ERC2: variants seen among roughly 807,000 people sequenced by gnomAD.
ERC2 encodes the protein ERC protein 2.
A neutral mutation model predicts 114.8 loss-of-function variants in ERC2; 42 were observed. That is an observed-to-expected ratio of 0.37 (90% CI 0.29 to 0.47). ERC2 has a LOEUF of 0.47. ERC2 is among the 20% of genes least tolerant of loss of function. The probability of loss-of-function intolerance (pLI) is 0.99; values close to 1 mark genes in which losing one functional copy is unlikely to be tolerated. For missense variants in ERC2, 939 were observed against 1,150.7 expected (o/e 0.82, Z 2.66); for synonymous variants, 454 against 425.5 (o/e 1.07, Z -0.82).
At chr3:55,852,971 C>T (rs1233028054) in intron 14 of ERC2, among the ~76,000 whole-genome samples, 5 of 152,190 alleles carry the variant, frequency 3.3e-5, no homozygotes, top group African/African-American at 1.2e-4. Context: ...GCATCGCTGG[C>T]CTCTGCCCTA....
intron 13 of ERC2, among the ~76,000 whole-genome samples, chr3:55,890,604 T>C (rs910940440): frequency 6.6e-6 from 1 of 152,160 alleles, no homozygotes; most frequent in Non-Finnish European, 1.5e-5. Context: ...AATGACACTT[T>C]AGAGTAATGA....
intron 3 of ERC2, among the ~76,000 whole-genome samples, chr3:56,196,051 A>G (rs2048081390): frequency 6.6e-6 from 1 of 152,124 alleles, no homozygotes; most frequent in African/African-American, 2.4e-5. Flanking sequence ...GAGTATATGC[A>G]TACTGATTTT....
chr3:55,990,046 G>A (rs1312832441), intron 11 of ERC2, among the ~76,000 whole-genome samples: 1 of 152,058 alleles, frequency 6.6e-6, no homozygotes, highest in African/African-American at 2.4e-5. Context: ...AAAGAGACAT[G>A]ATCATAACTT....
At chr3:55,781,722 AT>A (rs1285522477) in intron 14 of ERC2, among the ~76,000 whole-genome samples, 2 of 151,908 alleles carry the variant, frequency 1.3e-5, no homozygotes, top group Non-Finnish European at 2.9e-5. Flanking sequence ...AATACAAAAA[AT>A]TAGCTGGGTG....
chr3:55,584,975 C>G (rs760916680), intron 17 of ERC2, among the ~76,000 whole-genome samples: 2 of 152,168 alleles, frequency 1.3e-5, no homozygotes, highest in Non-Finnish European at 2.9e-5. Flanking sequence ...GTTACAAATC[C>G]AAATACGGTC....
chr3:55,689,313 T>C (rs1196807695), intron 16 of ERC2, among the ~76,000 whole-genome samples: 3 of 152,172 alleles, frequency 2.0e-5, no homozygotes, highest in Non-Finnish European at 1.5e-5. Flanking sequence ...GTTTTCTATT[T>C]CCTTCAAGCA....
chr3:55,958,230 C>A lies in ERC2; in HGVS notation c.2268-7670G>T, dbSNP rs577076035. ...GCTACTCGTGGCAGGTAGCTCCTAT[C>A]CACAGGCAGGTTGTCCTGAAGAGTC... On this transcript the variant is annotated intron_variant, in intron 12 of 17. Transcript: ENST00000288221. Among the ~76,000 whole-genome samples the A allele has an allele frequency of 1.4e-4, 21 of 152,268 alleles. No homozygotes were observed. The South Asian group carries it at 3.9e-3, about 29-fold the overall frequency.
chr3:56,082,674 T>G (rs922549854), intron 6 of ERC2, among the ~76,000 whole-genome samples: 11 of 152,142 alleles, frequency 7.2e-5, no homozygotes, highest in African/African-American at 2.4e-4. Context: ...GGGAAAGGAA[T>G]ATGTTATGTT....
intron 2 of ERC2, among the ~76,000 whole-genome samples, chr3:56,390,939 A>G (rs1158949581): frequency 6.6e-6 from 1 of 152,220 alleles, no homozygotes; most frequent in Non-Finnish European, 1.5e-5. Flanking sequence ...TGTTGTGAAG[A>G]AAATGCACTA....
chr3:56,248,961 A>T (rs1463591120), intron 3 of ERC2, among the ~76,000 whole-genome samples: 1 of 152,224 alleles, frequency 6.6e-6, no homozygotes, highest in Admixed American at 6.5e-5. Context: ...TTTTTAGCAC[A>T]TTACAGAGGC....
At chr3:56,016,043 T>TA (rs1447231445) in intron 8 of ERC2, among the ~76,000 whole-genome samples, 1 of 152,188 alleles carries the variant, frequency 6.6e-6, no homozygotes, top group African/African-American at 2.4e-5. Context: ...GACCACTTGT[T>TA]AGTGGGGTTG....
intron 2 of ERC2, among the ~76,000 whole-genome samples, chr3:56,336,817 A>G (rs931371453): frequency 6.6e-6 from 1 of 152,120 alleles, no homozygotes; most frequent in African/African-American, 2.4e-5. Context: ...AAAGGAAGAA[A>G]AGCTCAATGT....
chr3:55,894,308 A>G (rs1374789968), intron 13 of ERC2, among the ~76,000 whole-genome samples: 1 of 152,206 alleles, frequency 6.6e-6, no homozygotes, highest in Non-Finnish European at 1.5e-5. Context: ...TGGAGGCAAA[A>G]TTTGCTTTAA....
At chr3:55,592,671 A>T (rs2057948087) in intron 17 of ERC2, among the ~76,000 whole-genome samples, 1 of 152,192 alleles carries the variant, frequency 6.6e-6, no homozygotes, top group Non-Finnish European at 1.5e-5. Flanking sequence ...TGACTAAATC[A>T]TCTTGGATCC....
intron 15 of ERC2, among the ~76,000 whole-genome samples, chr3:55,722,576 G>C (rs1456716528): frequency 1.3e-5 from 2 of 151,900 alleles, no homozygotes; most frequent in Non-Finnish European, 2.9e-5. Flanking sequence ...TCTTTATTTT[G>C]TTTCTTGTTT....
At chr3:55,996,617 T>C (rs576109397) in intron 10 of ERC2, among the ~76,000 whole-genome samples, 1 of 152,278 alleles carries the variant, frequency 6.6e-6, no homozygotes, top group African/African-American at 2.4e-5. Flanking sequence ...CCAATTATAT[T>C]TCTTGTATTT....
intron 14 of ERC2, among the ~76,000 whole-genome samples, chr3:55,806,898 A>G (rs932823115): frequency 6.6e-6 from 1 of 152,218 alleles, no homozygotes; most frequent in African/African-American, 2.4e-5. Flanking sequence ...CTACTCCACA[A>G]TGATCACTCC....
rs1441343212 is a variant in ERC2, at chr3:56,149,075, T to A, written c.1207A>T (p.Met403Leu). 1 of 1,613,202 alleles carries A rather than the reference T, an allele frequency of 6.2e-7. No homozygotes were observed. Among genetic ancestry groups the A allele is most frequent in the Non-Finnish European group, 8.5e-7 (1 of 1,179,458 alleles). The change falls in exon 5 of 18, where the codon ATG becomes TTG. Residue 403 changes from methionine (M) to leucine (L), a missense_variant. This residue lies in a region of ERC2 where 148 missense variants were observed against 159.1 expected (regional missense o/e 0.93). Coordinates refer to ENST00000288221, the MANE Select transcript of ERC2 (RefSeq NM_015576.3). The stretch of plus-strand genomic sequence containing the variant: ...TTCAGCACACCATTGGCTTTTAACA[T>A]CTGGATCTCATCCTCAAGATCCCTT... ...NIRDLEDEIQ[M>L]LKANGVLNTE...
chr3:55,604,599 A>C (rs184548936), intron 17 of ERC2, among the ~76,000 whole-genome samples: 1 of 152,242 alleles, frequency 6.6e-6, no homozygotes, highest in East Asian at 1.9e-4. Context: ...TGAGGTTGGG[A>C]AGGTAGTCAG....
Sources: allele counts gnomAD v4.1 joint callset (sites outside exome capture counted in the v4.1 genomes callset), GRCh38; gene constraint gnomAD v4.1.1; regional missense constraint gnomAD v4.1.1; transcripts MANE v1.5; gene names NCBI Gene and HGNC (gene_info 2026-07-23, HGNC 2026-07-21).